Variants in KDM4C observed in about 807,000 individuals in gnomAD.
KDM4C encodes the protein lysine-specific demethylase 4C.
In KDM4C, 81 loss-of-function variants were observed where a neutral mutation model predicts 129.3. The observed-to-expected ratio is 0.63, with a 90% CI of 0.52 to 0.75. KDM4C has a LOEUF of 0.75. KDM4C is among the 30% of genes least tolerant of loss of function. KDM4C has a pLI of 0.00. For synonymous variants in KDM4C, 573 were observed against 456.1 expected, an observed-to-expected ratio of 1.26 and a Z score of -3.26; for missense variants, 1,457 against 1,304.0, an observed-to-expected ratio of 1.12 and a Z score of -1.81.
chr9:7,042,431 TTAA>T (rs1828752219), intron 15 of KDM4C, among the ~76,000 whole-genome samples: 3 of 152,106 alleles, frequency 2.0e-5, no homozygotes, highest in Admixed American at 6.6e-5. Flanking sequence ...TAGGGAAAAC[TTAA>T]TGATGTTATA....
intron 19 of KDM4C, among the ~76,000 whole-genome samples, chr9:7,147,432 G>T (rs1842318845): frequency 6.6e-6 from 1 of 152,088 alleles, no homozygotes; most frequent in Non-Finnish European, 1.5e-5. Flanking sequence ...GAACTGACAT[G>T]TATTTTTAGA....
intron 8 of KDM4C, among the ~76,000 whole-genome samples, chr9:6,948,750 A>G (rs1486227692): frequency 6.6e-6 from 1 of 152,068 alleles, no homozygotes; most frequent in African/African-American, 2.4e-5. Flanking sequence ...CCCTTAATCC[A>G]TTTAACCCTG....
intron 15 of KDM4C, among the ~76,000 whole-genome samples, chr9:7,024,466 A>G (rs1342923427): frequency 6.6e-6 from 1 of 151,732 alleles, no homozygotes; most frequent in South Asian, 2.1e-4. Flanking sequence ...TATATCACCT[A>G]ATGCTATCCC....
intron 8 of KDM4C, among the ~76,000 whole-genome samples, chr9:6,916,522 A>G (rs1589089152): frequency 6.6e-6 from 1 of 152,110 alleles, no homozygotes; most frequent in Non-Finnish European, 1.5e-5. Flanking sequence ...GGCCTCCCAA[A>G]GTGCTGGGAT....
chr9:7,056,349 G>C (rs1830863496), intron 17 of KDM4C, among the ~76,000 whole-genome samples: 2 of 81,858 alleles, frequency 2.4e-5, no homozygotes, highest in Non-Finnish European at 5.4e-5. Flanking sequence ...TAAGTGTAGT[G>C]CAAAAAAAAA....
At chr9:7,164,750 C>T (rs887266357) in intron 19 of KDM4C, among the ~76,000 whole-genome samples, 2 of 152,172 alleles carry the variant, frequency 1.3e-5, no homozygotes, top group Non-Finnish European at 2.9e-5. Context: ...GAGATCCTGG[C>T]AACTTAAAGC....
intron 8 of KDM4C, among the ~76,000 whole-genome samples, chr9:6,959,625 T>A (rs1829689285): frequency 6.6e-6 from 1 of 152,192 alleles, no homozygotes; most frequent in South Asian, 2.1e-4. Context: ...TGTTTCAATT[T>A]AAGAGTTTAT....
chr9:6,721,042 T>G (rs1318767656), intron 1 of KDM4C: 1 of 1,494,476 alleles, frequency 6.7e-7, no homozygotes, highest in African/African-American at 1.4e-5. Context: ...TGTACATAGT[T>G]GGTGGTTCTG....
intron 17 of KDM4C, among the ~76,000 whole-genome samples, chr9:7,091,139 C>A (rs368870698): frequency 6.6e-6 from 1 of 152,034 alleles, no homozygotes; most frequent in African/African-American, 2.4e-5. Context: ...TTCAAATGAA[C>A]CTGACCAGGT....
intron 6 of KDM4C, among the ~76,000 whole-genome samples, chr9:6,883,984 C>T (rs1375601163): frequency 1.3e-5 from 2 of 152,132 alleles, no homozygotes; most frequent in African/African-American, 2.4e-5. Flanking sequence ...TTTTAAATCT[C>T]GGTTTTCTGC....
At chr9:6,873,952 G>GAGAC (rs1397256986) in intron 5 of KDM4C, among the ~76,000 whole-genome samples, 1 of 149,642 alleles carries the variant, frequency 6.7e-6, no homozygotes, top group Non-Finnish European at 1.5e-5. Flanking sequence ...GAGAGAGAGA[G>GAGAC]AGAGAGAGAG....
chr9:6,781,676 T>G (rs1293824948), intron 1 of KDM4C, among the ~76,000 whole-genome samples: 1 of 152,180 alleles, frequency 6.6e-6, no homozygotes, highest in Non-Finnish European at 1.5e-5. Context: ...TTGTTTGCAT[T>G]ATGAGAGCTG....
intron 8 of KDM4C, among the ~76,000 whole-genome samples, chr9:6,957,443 G>GA (rs1414621415): frequency 6.6e-6 from 1 of 151,986 alleles, no homozygotes; most frequent in Non-Finnish European, 1.5e-5. Context: ...TCTTTCCAGG[G>GA]AAAAGAAACC....
chr9:6,989,024 C>T (rs1818254432), intron 11 of KDM4C, among the ~76,000 whole-genome samples: 2 of 152,258 alleles, frequency 1.3e-5, no homozygotes, highest in South Asian at 2.1e-4. Flanking sequence ...GAGCAGAAAC[C>T]TGATGTAATT....
intron 8 of KDM4C, among the ~76,000 whole-genome samples, chr9:6,919,269 T>TTCTTTCTTTCTTTCTTTCTTTCTTTC (rs1563812440): frequency 2.4e-4 from 35 of 147,368 alleles, no homozygotes; most frequent in African/African-American, 9.1e-4. Context: ...CTTTCTTTCT[T>TTCTTTCTTTCTTTCTTTCTTTCTTTC]TCTGTCTCTC....
chr9:7,086,405 A>G (rs1835120393), intron 17 of KDM4C, among the ~76,000 whole-genome samples: 1 of 152,198 alleles, frequency 6.6e-6, no homozygotes, highest in Non-Finnish European at 1.5e-5. Flanking sequence ...CACAGAGGCA[A>G]GTAATCATCC....
In KDM4C at chr9:7,007,159, G is replaced by A. The variant is rs1421599372; in HGVS notation, c.1787-4539G>A. 2.6e-5 allele frequency among the ~76,000 whole-genome samples: 4 copies of A among 152,152 alleles called. No homozygotes were observed. In the East Asian group the frequency reaches 7.7e-4, roughly 29 times the overall value. On this transcript the variant is annotated intron_variant, in intron 12 of 21. Transcript: ENST00000381309. ...GCCACTGCTTATGTTTCCTTATTTA[G>A]GACAAAGTTCCACATACCTTGGTGC...
At chr9:6,931,261 A>C (rs17595843) in intron 8 of KDM4C, among the ~76,000 whole-genome samples, 38,137 of 152,062 alleles carry the variant, frequency 0.25, 5,320 homozygotes, top group South Asian at 0.39. Context: ...CAGCTAAAGG[A>C]GTGTATACTG....
chr9:6,823,357 ATT>A (rs1011373640), intron 4 of KDM4C, among the ~76,000 whole-genome samples: 2 of 152,178 alleles, frequency 1.3e-5, no homozygotes, highest in African/African-American at 2.4e-5. Flanking sequence ...CCATGGAGCA[ATT>A]TAGCCTTTGG....
Sources: gnomAD v4.1 joint callset for allele counts (sites outside exome capture counted in the v4.1 genomes callset) on GRCh38, gnomAD v4.1.1 for gene constraint, MANE v1.5 for transcripts, NCBI Gene and HGNC (gene_info 2026-07-23, HGNC 2026-07-21) for gene names.